Variants in KCNIP1 observed in about 807,000 individuals in gnomAD.
The protein encoded by KCNIP1 is potassium voltage-gated channel interacting protein 1.
KCNIP1 carries 18 observed loss-of-function variants against 33.0 expected under a neutral mutation model. The ratio of observed to expected loss-of-function variants is 0.55; its 90% CI spans 0.38 to 0.81. The LOEUF (loss-of-function observed/expected upper bound fraction) is 0.81. Among genes scored for constraint, KCNIP1 ranks in the 30% least tolerant of loss-of-function variants. The probability of loss-of-function intolerance (pLI) is 0.00; values close to 1 mark genes in which losing one functional copy is unlikely to be tolerated. For missense variants in KCNIP1, 238 were observed against 271.6 expected (o/e 0.88, Z 0.87); for synonymous variants, 93 against 98.3 (o/e 0.95, Z 0.32).
chr5:170,467,665 C>A (rs561040915), intron 1 of KCNIP1, among the ~76,000 whole-genome samples: 1 of 152,028 alleles, frequency 6.6e-6, no homozygotes, highest in Non-Finnish European at 1.5e-5. Flanking sequence ...CGCCTGTAAT[C>A]CCAGGGCTTC....
intron 1 of KCNIP1, among the ~76,000 whole-genome samples, chr5:170,457,809 C>T (rs1036054811): frequency 1.1e-4 from 16 of 152,248 alleles, no homozygotes; most frequent in Admixed American, 1.3e-4. Flanking sequence ...CAAAAAATCA[C>T]ACTAGGTCAC....
intron 1 of KCNIP1, among the ~76,000 whole-genome samples, chr5:170,460,834 G>A (rs1756487376): frequency 6.6e-6 from 1 of 152,212 alleles, no homozygotes; most frequent in Admixed American, 6.5e-5. Context: ...AGAAATAAAA[G>A]GCATCCAAAT....
chr5:170,550,172 G>T (rs778371932), intron 1 of KCNIP1, among the ~76,000 whole-genome samples: 1 of 152,104 alleles, frequency 6.6e-6, no homozygotes, highest in Admixed American at 6.5e-5. Flanking sequence ...GTTGTATCCA[G>T]CCTGGGAGAT....
chr5:170,353,758 G>T, exon 1 of KCNIP1: 1 of 853,778 alleles, frequency 1.2e-6, no homozygotes, highest in South Asian at 1.5e-5. Context: ...CCTGGCTTCA[G>T]GGGTGCATCC....
At chr5:170,651,672 C>T (rs551250955) in intron 1 of KCNIP1, among the ~76,000 whole-genome samples, 22 of 151,964 alleles carry the variant, frequency 1.4e-4, no homozygotes, top group Non-Finnish European at 2.6e-4. Flanking sequence ...TATTTGCTTC[C>T]GTAAAAAAAC....
At chr5:170,497,199 TTGAA>T (rs1450229702) in intron 1 of KCNIP1, among the ~76,000 whole-genome samples, 3 of 152,272 alleles carry the variant, frequency 2.0e-5, no homozygotes, top group Middle Eastern at 3.4e-3. Flanking sequence ...GAATGAATGA[TTGAA>T]TGAAGATTAG....
At chr5:170,476,725 T>C (rs1449210833) in intron 1 of KCNIP1, among the ~76,000 whole-genome samples, 1 of 152,192 alleles carries the variant, frequency 6.6e-6, no homozygotes, top group Non-Finnish European at 1.5e-5. Flanking sequence ...ACTTCTGCTT[T>C]AGACATCCAC....
intron 3 of KCNIP1, among the ~76,000 whole-genome samples, chr5:170,721,088 G>A (rs973574579): frequency 1.3e-5 from 2 of 152,200 alleles, no homozygotes; most frequent in African/African-American, 4.8e-5. Flanking sequence ...ACCAAGAGCT[G>A]TCTCCTGCAA....
intron 1 of KCNIP1, chr5:170,712,891 A>C (rs1561778984): frequency 1.2e-6 from 2 of 1,612,812 alleles, no homozygotes; most frequent in East Asian, 4.5e-5. Context: ...AGAGAGGTAA[A>C]AAACAGTTTA....
rs553857144 is a variant in KCNIP1, at chr5:170,425,209, G to A, written c.88+71245G>A. Among the ~76,000 whole-genome samples, 10 of 152,246 alleles carry A rather than the reference G, an allele frequency of 6.6e-5. No homozygotes were observed. The East Asian group carries it at 7.7e-4, about 12-fold the overall frequency. On this transcript the variant is annotated intron_variant, in intron 1 of 7. Coordinates refer to the KCNIP1 transcript ENST00000377360. ...TAAGCTCCATGACAGATATCTGGGC[G>A]GTTCTCCACTGCTTCCCCAGCCCTA...
At chr5:170,495,871 G>A (rs913707075) in intron 1 of KCNIP1, among the ~76,000 whole-genome samples, 32 of 152,188 alleles carry the variant, frequency 2.1e-4, no homozygotes, top group Admixed American at 2.0e-3. Context: ...GGGCAGCTGA[G>A]ACTCTTTTCT....
At chr5:170,623,282 C>T (rs1012965879) in intron 1 of KCNIP1, among the ~76,000 whole-genome samples, 48 of 151,698 alleles carry the variant, frequency 3.2e-4, no homozygotes, top group Admixed American at 2.7e-3. Context: ...GGCACGATCT[C>T]GACTCTTCAA....
chr5:170,513,531 C>G (rs1332379998), intron 1 of KCNIP1, among the ~76,000 whole-genome samples: 2 of 152,208 alleles, frequency 1.3e-5, no homozygotes, highest in African/African-American at 4.8e-5. Context: ...GATCCTGAAT[C>G]TTGACTCCAC....
intron 1 of KCNIP1, among the ~76,000 whole-genome samples, chr5:170,614,454 G>A (rs188119620): frequency 8.5e-5 from 13 of 152,298 alleles, no homozygotes; most frequent in African/African-American, 3.1e-4. Context: ...TTTCATCATT[G>A]CCTTTTGAGA....
chr5:170,568,928 A>G (rs1439540915), intron 1 of KCNIP1, among the ~76,000 whole-genome samples: 1 of 152,082 alleles, frequency 6.6e-6, no homozygotes, highest in Non-Finnish European at 1.5e-5. Context: ...CATCTCCCAC[A>G]TTACCTCCTA....
In KCNIP1 at chr5:170,729,780, G is replaced by C. The variant is rs528696496; in HGVS notation, c.436-3020G>C. Reference sequence around the variant, plus strand: ...CATACATAGTTGCTGAAAGTGTTCTGATAATAAACTTTCTAAAAGGTATTT... The same window carrying C: ...CATACATAGTTGCTGAAAGTGTTCTCATAATAAACTTTCTAAAAGGTATTT... On this transcript the variant is annotated intron_variant, in intron 5 of 7. Transcript: ENST00000328939. 2.0e-5 allele frequency among the ~76,000 whole-genome samples: 3 copies of C among 152,182 alleles called. No homozygotes were observed. The East Asian group carries it at 5.8e-4, about 29-fold the overall frequency.
intron 1 of KCNIP1, among the ~76,000 whole-genome samples, chr5:170,701,184 C>T (rs780761772): frequency 7.9e-5 from 12 of 152,310 alleles, no homozygotes; most frequent in East Asian, 1.9e-4. Context: ...TCCTTATAGG[C>T]GAAAAGGGTT....
At position 170,672,016 on chromosome 5, in the gene KCNIP1, A is replaced by G. The variant is rs548317519; in HGVS notation, c.62-46742A>G. Among the ~76,000 whole-genome samples, 6 of 152,336 alleles carry G rather than the reference A, an allele frequency of 3.9e-5. No homozygotes were observed. In the South Asian group the frequency reaches 1.0e-3, roughly 26 times the overall value. Reference sequence around the variant, plus strand: ...ATGGATGTGGAGAAGAAATCCTTCTATTCCTCACTGGAGGCTTCACTAAGG... The same window carrying G: ...ATGGATGTGGAGAAGAAATCCTTCTGTTCCTCACTGGAGGCTTCACTAAGG... On this transcript the variant is annotated intron_variant, in intron 1 of 7. Coordinates refer to ENST00000328939, the MANE Select transcript of KCNIP1 (RefSeq NM_014592.4).
chr5:170,732,242 T>A (rs1764232181), intron 5 of KCNIP1, among the ~76,000 whole-genome samples: 1 of 152,190 alleles, frequency 6.6e-6, no homozygotes. Context: ...TGGTTCCCAA[T>A]GTACCTTGAT....
Sources: allele counts gnomAD v4.1 joint callset (sites outside exome capture counted in the v4.1 genomes callset), GRCh38; gene constraint gnomAD v4.1.1; transcripts MANE v1.5; gene names NCBI Gene and HGNC (gene_info 2026-07-23, HGNC 2026-07-21).